CCDC146: variants seen among roughly 807,000 people sequenced by gnomAD.
CCDC146 encodes the protein coiled-coil domain containing 146, also known as coiled-coil domain-containing protein 146.
Under a neutral mutation model 119.3 loss-of-function variants are expected in CCDC146, and 92 were observed. That is an observed-to-expected ratio of 0.77 (90% CI 0.65 to 0.92). The LOEUF (loss-of-function observed/expected upper bound fraction) is 0.92, where lower values mean the gene tolerates loss of function less well. CCDC146 is among the 40% of genes least tolerant of loss of function. CCDC146 has a pLI of 0.00. For synonymous variants in CCDC146, 372 were observed against 371.8 expected, an observed-to-expected ratio of 1.00 and a Z score of -0.01; for missense variants, 1,000 against 1,103.0, an observed-to-expected ratio of 0.91 and a Z score of 1.32.
chr7:77,210,384 C>T (rs1792159325), intron 2 of CCDC146, among the ~76,000 whole-genome samples: 1 of 152,148 alleles, frequency 6.6e-6, no homozygotes. Context: ...CAAGAGTGAC[C>T]TTTATTTCAG....
intron 1 of CCDC146, among the ~76,000 whole-genome samples, chr7:77,164,798 G>T (rs1266061864): frequency 2.6e-5 from 4 of 152,110 alleles, no homozygotes; most frequent in Non-Finnish European, 5.9e-5. Flanking sequence ...TCAAGAACCA[G>T]GACCTACCAA....
At chr7:77,167,062 C>G (rs1190081346) in intron 1 of CCDC146, among the ~76,000 whole-genome samples, 1 of 152,116 alleles carries the variant, frequency 6.6e-6, no homozygotes, top group Non-Finnish European at 1.5e-5. Flanking sequence ...AAAAGAACAG[C>G]AGAACTTGTT....
intron 17 of CCDC146, 84 bp from the exon 18 acceptor site, chr7:77,292,868 G>A (rs1010010748): frequency 1.2e-5 from 17 of 1,433,060 alleles, no homozygotes; most frequent in African/African-American, 7.2e-5. Flanking sequence ...AATGCACCCC[G>A]CCATTATAGA....
At chr7:77,145,285 G>A (rs10241792) in intron 1 of CCDC146, among the ~76,000 whole-genome samples, 23,455 of 151,416 alleles carry the variant, frequency 0.15, 2,557 homozygotes, top group Non-Finnish European at 0.21. Flanking sequence ...ATTTTTTATT[G>A]CATCTATTTG....
chr7:77,268,956 A>G (rs1004579162), intron 9 of CCDC146, among the ~76,000 whole-genome samples: 3 of 152,110 alleles, frequency 2.0e-5, no homozygotes, highest in Non-Finnish European at 2.9e-5. Flanking sequence ...ACATTTTACA[A>G]TGATGTTCCC....
intron 1 of CCDC146, among the ~76,000 whole-genome samples, chr7:77,144,850 T>G (rs1327566967): frequency 1.3e-5 from 2 of 151,972 alleles, no homozygotes; most frequent in African/African-American, 4.9e-5. Context: ...TTCATCGATG[T>G]TCATCAGGGA....
rs1249614888 is a variant in CCDC146, at chr7:77,294,693, C to T, written c.2695C>T (p.Pro899Ser). ...CTTGGAAGCAGATAATCGCCAGCTGCCCAATGGTGTTTACACAACTGCAGA... is the reference window on the plus strand; with the variant it reads ...CTTGGAAGCAGATAATCGCCAGCTGTCCAATGGTGTTTACACAACTGCAGA... ...EFLEADNRQL[P>S]NGVYTTAEQR... Residue 899 changes from proline to serine, a missense_variant, in exon 19 of 19, where the codon CCC becomes TCC. Around this residue, in one of 2 missense-constraint regions of CCDC146, gnomAD observed 985 missense variants for 1,045.3 expected, o/e 0.94. Transcript: ENST00000285871. 6.8e-6 allele frequency: 11 copies of T among 1,614,002 alleles called. No individual in the cohort carries two copies. Among genetic ancestry groups the T allele is most frequent in the Admixed American group, 1.7e-5 (1 of 59,992 alleles).
intron 1 of CCDC146, among the ~76,000 whole-genome samples, chr7:77,139,319 A>G (rs1164606018): frequency 6.6e-6 from 1 of 152,252 alleles, no homozygotes; most frequent in Non-Finnish European, 1.5e-5. Flanking sequence ...AAAACTGTGG[A>G]GACAGTTAAA....
intron 2 of CCDC146, among the ~76,000 whole-genome samples, chr7:77,226,170 G>T (rs1049408166): frequency 7.2e-5 from 11 of 152,228 alleles, no homozygotes; most frequent in African/African-American, 2.7e-4. Context: ...AATGCATTTG[G>T]AAACTACTTG....
chr7:77,190,893 A>AT (rs1217756377), intron 2 of CCDC146, among the ~76,000 whole-genome samples: 1 of 152,176 alleles, frequency 6.6e-6, no homozygotes, highest in Non-Finnish European at 1.5e-5. Context: ...GGATTCATGG[A>AT]TTTTATATTA....
intron 1 of CCDC146, among the ~76,000 whole-genome samples, chr7:77,142,288 C>T (rs549421299): frequency 2.0e-4 from 30 of 150,970 alleles, no homozygotes; most frequent in African/African-American, 7.0e-4. Context: ...TCTCTGTTTG[C>T]AGATGACATG....
At chr7:77,185,754 G>T (rs1468491070) in intron 2 of CCDC146, among the ~76,000 whole-genome samples, 2 of 152,138 alleles carry the variant, frequency 1.3e-5, no homozygotes, top group African/African-American at 2.4e-5. Context: ...GCTAAATAAA[G>T]TACCAGGGAC....
At chr7:77,278,615 T>C in intron 11 of CCDC146, 137 bp from the exon 12 acceptor site, 2 of 615,926 alleles carry the variant, frequency 3.2e-6, no homozygotes, top group Non-Finnish European at 5.6e-6. Flanking sequence ...CCAGATAATT[T>C]TTTTATTTTT....
intron 2 of CCDC146, chr7:77,199,465 C>T: frequency 6.2e-7 from 1 of 1,614,082 alleles, no homozygotes; most frequent in Non-Finnish European, 8.5e-7. Flanking sequence ...TCCGTTTCTG[C>T]CTGGGTCTCC....
At chr7:77,177,209 T>C (rs1182567768) in intron 2 of CCDC146, among the ~76,000 whole-genome samples, 1 of 152,108 alleles carries the variant, frequency 6.6e-6, no homozygotes, top group Non-Finnish European at 1.5e-5. Context: ...ATTTTGTAGG[T>C]TGGACCTTCT....
intron 4 of CCDC146, among the ~76,000 whole-genome samples, chr7:77,247,193 TC>T (rs1792967538): frequency 5.3e-5 from 8 of 152,128 alleles, no homozygotes; most frequent in Non-Finnish European, 1.0e-4. Flanking sequence ...AGTCAGTATT[TC>T]CTAATAAAAA....
chr7:77,149,457 T>C (rs1279947480), intron 1 of CCDC146, among the ~76,000 whole-genome samples: 2 of 152,136 alleles, frequency 1.3e-5, no homozygotes, highest in African/African-American at 4.8e-5. Context: ...TGAGGACTTA[T>C]AATACCTAAT....
At chr7:77,258,673 A>G (rs1793227915) in intron 6 of CCDC146, among the ~76,000 whole-genome samples, 1 of 152,200 alleles carries the variant, frequency 6.6e-6, no homozygotes, top group African/African-American at 2.4e-5. Flanking sequence ...TGCATTTTCA[A>G]CTTAAGGTAG....
intron 2 of CCDC146, among the ~76,000 whole-genome samples, chr7:77,169,862 T>A (rs1184793313): frequency 2.0e-5 from 3 of 152,186 alleles, no homozygotes; most frequent in African/African-American, 7.2e-5. Context: ...ATTTGGAAAC[T>A]AAGATATTAA....
Sources: allele counts gnomAD v4.1 joint callset (sites outside exome capture counted in the v4.1 genomes callset), GRCh38; gene constraint gnomAD v4.1.1; regional missense constraint gnomAD v4.1.1; transcripts MANE v1.5; gene names NCBI Gene and HGNC (gene_info 2026-07-23, HGNC 2026-07-21).